The following RPTOR variants were observed in gnomAD, a reference collection of about 807,000 sequenced individuals.
RPTOR encodes regulatory-associated protein of mTOR.
A neutral mutation model predicts 169.9 loss-of-function variants in RPTOR; 21 were observed. That is an observed-to-expected ratio of 0.12 (90% CI 0.09 to 0.18). The LOEUF is 0.18. Among genes scored for constraint, RPTOR ranks in the 10% least tolerant of loss-of-function variants. The pLI is 1.00. For synonymous variants in RPTOR, 732 were observed against 753.2 expected (o/e 0.97, Z 0.46); for missense variants, 1,133 against 1,855.9 (o/e 0.61, Z 7.16).
intron 10 of RPTOR, among the ~76,000 whole-genome samples, chr17:80,841,863 T>TCA (rs2067669780): frequency 9.3e-6 from 1 of 107,160 alleles, no homozygotes; most frequent in Non-Finnish European, 1.8e-5. Context: ...GCACGGCAGC[T>TCA]GACTCACCGC....
At position 80,710,567 on chromosome 17, in the gene RPTOR, T is replaced by TTGTGTGTGTGTG. The variant is rs1249250528; in HGVS notation, c.507+2571_507+2572insGTGTGTGTGTGT. Among the ~76,000 whole-genome samples, 81 of 110,650 alleles carry TTGTGTGTGTGTG rather than the reference T, an allele frequency of 7.3e-4. 1 individual carries two copies. The highest frequency in any genetic ancestry group is 2.5e-3 in the African/African-American group (78 of 31,834). The allele number at this position is 110,650 out of a possible 152,430, so 72.6% of individuals were successfully genotyped here. On this transcript the variant is annotated intron_variant, in intron 4 of 33. Coordinates refer to ENST00000306801, the MANE Select transcript of RPTOR (RefSeq NM_020761.3). ...ATGTTGATTTGCCTCCCTTGGTTAT[T>TTGTGTGTGTGTG]TGTATGTGTGTGTGTGTGTGTGTGT...
intron 7 of RPTOR, among the ~76,000 whole-genome samples, chr17:80,806,703 C>T (rs2067221769): frequency 6.6e-6 from 1 of 152,218 alleles, no homozygotes; most frequent in South Asian, 2.1e-4. Flanking sequence ...CAAATCCCTG[C>T]TCTACCATCA....
intron 1 of RPTOR, among the ~76,000 whole-genome samples, chr17:80,549,638 C>T (rs1280485734): frequency 6.6e-6 from 1 of 152,224 alleles, no homozygotes; most frequent in African/African-American, 2.4e-5. Flanking sequence ...ATAGTTATCA[C>T]AGAGTTCATT....
rs117895713 is a variant in RPTOR, at chr17:80,593,026, C to T, written c.163-32665C>T. Among the ~76,000 whole-genome samples, 317 of 152,306 alleles carry T rather than the reference C, an allele frequency of 2.1e-3. 2 individuals are homozygous for T. Among genetic ancestry groups the T allele is most frequent in the Middle Eastern group, 3.4e-3 (1 of 294 alleles). On this transcript the variant is annotated intron_variant, in intron 1 of 33. Coordinates refer to ENST00000306801, the MANE Select transcript of RPTOR (RefSeq NM_020761.3). ...CTGGGCCCTTCTGCACGTGTTTTTA[C>T]CCCACTGAGTGCCTTTGCACAGACT...
intron 2 of RPTOR, among the ~76,000 whole-genome samples, chr17:80,641,884 T>C (rs1223312661): frequency 6.6e-6 from 1 of 152,156 alleles, no homozygotes; most frequent in South Asian, 2.1e-4. Context: ...ATTTGCTGCA[T>C]TGATTGGCTC....
At chr17:80,564,544 C>G (rs376886641) in intron 1 of RPTOR, among the ~76,000 whole-genome samples, 21 of 150,784 alleles carry the variant, frequency 1.4e-4, no homozygotes, top group African/African-American at 5.1e-4. Flanking sequence ...TAGGTGAACT[C>G]ACGTCACAGT....
In RPTOR at chr17:80,616,325, G is replaced by A. The variant is rs574507137; in HGVS notation, c.163-9366G>A. 1.9e-3 allele frequency among the ~76,000 whole-genome samples: 145 copies of A among 77,860 alleles called. 1 individual carries two copies. The highest frequency in any genetic ancestry group is 3.4e-3 in the Non-Finnish European group (127 of 37,352). 51.1% of individuals were successfully genotyped at this position (77,860 alleles called of 152,430 possible). ...TTTTTTTTTTTTTTTTTTTTGAGAC[G>A]GAGTCTCACTCTGTTGCCCAGGCTG... On this transcript the variant is annotated intron_variant, in intron 1 of 33. Transcript: ENST00000306801.
At chr17:80,676,564 G>A (rs537708128) in intron 3 of RPTOR, among the ~76,000 whole-genome samples, 2 of 152,202 alleles carry the variant, frequency 1.3e-5, no homozygotes, top group African/African-American at 2.4e-5. Flanking sequence ...CCCTGTCTCC[G>A]CAGTGAGTGA....
At chr17:80,847,144 C>T (rs1408352216) in intron 11 of RPTOR, among the ~76,000 whole-genome samples, 2 of 152,268 alleles carry the variant, frequency 1.3e-5, no homozygotes, top group Non-Finnish European at 2.9e-5. Context: ...CAGCCCTTCC[C>T]TTGCACGGGG....
At chr17:80,564,546 C>T (rs1003387906) in intron 1 of RPTOR, among the ~76,000 whole-genome samples, 131 of 150,606 alleles carry the variant, frequency 8.7e-4, no homozygotes, top group African/African-American at 2.8e-3. Flanking sequence ...GGTGAACTCA[C>T]GTCACAGTGG....
At chr17:80,822,149 C>T in intron 7 of RPTOR, 52 bp from the exon 8 acceptor site, 1 of 1,556,894 alleles carries the variant, frequency 6.4e-7, no homozygotes, top group East Asian at 2.2e-5. Context: ...CTCTTCCATT[C>T]CCTGCTCTCA....
chr17:80,866,858 C>T (rs1255419491), intron 13 of RPTOR, among the ~76,000 whole-genome samples: 1 of 152,064 alleles, frequency 6.6e-6, no homozygotes, highest in East Asian at 1.9e-4. Context: ...GGGATTAAAG[C>T]CTGAGTCACT....
chr17:80,966,007 G>T lies in RPTOR; in HGVS notation c.*1677G>T, dbSNP rs980016549. 16 of 233,216 alleles carry T rather than the reference G, an allele frequency of 6.9e-5. No individual in the cohort carries two copies. Among genetic ancestry groups the T allele is most frequent in the African/African-American group, 3.3e-4 (15 of 45,342 alleles). 14.4% of individuals were successfully genotyped at this position (233,216 alleles called of 1,614,324 possible). A position where few individuals can be genotyped will look rare whatever the true frequency, so the allele number is the denominator to read the frequency against. ...CAGAAGCCCAGCTCCACCCGCACAC[G>T]CAGCTTCCCATCCAGTCCTTCAACT... On this transcript the variant is annotated 3_prime_UTR_variant, in exon 34 of 34. Coordinates refer to ENST00000306801, the MANE Select transcript of RPTOR (RefSeq NM_020761.3).
At chr17:80,576,904 C>G (rs2064968523) in intron 1 of RPTOR, among the ~76,000 whole-genome samples, 1 of 152,110 alleles carries the variant, frequency 6.6e-6, no homozygotes, top group Non-Finnish European at 1.5e-5. Context: ...GGGTTTTGCC[C>G]TGTGGCCCAG....
intron 6 of RPTOR, among the ~76,000 whole-genome samples, chr17:80,766,214 C>A (rs1000963374): frequency 1.3e-5 from 2 of 152,104 alleles, no homozygotes; most frequent in African/African-American, 4.8e-5. Context: ...TGCCACCATT[C>A]TGACTAATTT....
At chr17:80,938,267 AC>A (rs1023447889) in intron 24 of RPTOR, among the ~76,000 whole-genome samples, 4 of 150,654 alleles carry the variant, frequency 2.7e-5, no homozygotes, top group Non-Finnish European at 1.5e-5. Flanking sequence ...CCCCATTTCT[AC>A]CCCCCACGTC....
intron 1 of RPTOR, among the ~76,000 whole-genome samples, chr17:80,577,451 A>C (rs2064974324): frequency 6.6e-6 from 1 of 151,462 alleles, no homozygotes; most frequent in Admixed American, 6.6e-5. Context: ...CAAGTTTTAC[A>C]TTTTTTTTAT....
intron 17 of RPTOR, among the ~76,000 whole-genome samples, chr17:80,886,496 A>C (rs1766404632): frequency 6.6e-6 from 1 of 152,164 alleles, no homozygotes; most frequent in African/African-American, 2.4e-5. Context: ...GGTGGACATC[A>C]CTGATCAAAG....
intron 3 of RPTOR, among the ~76,000 whole-genome samples, chr17:80,648,283 GGT>G (rs1466791822): frequency 6.6e-6 from 1 of 152,096 alleles, no homozygotes; most frequent in African/African-American, 2.4e-5. Context: ...GAAGGCCAGT[GGT>G]GGGCAGTTTT....
Sources: allele counts gnomAD v4.1 joint callset (sites outside exome capture counted in the v4.1 genomes callset), GRCh38; gene constraint gnomAD v4.1.1; transcripts MANE v1.5; gene names NCBI Gene and HGNC (gene_info 2026-07-23, HGNC 2026-07-21).